ADGRL2: variants seen among roughly 807,000 people sequenced by gnomAD.
The protein encoded by ADGRL2 is calcium-independent alpha-latrotoxin receptor 2.
In ADGRL2, 44 loss-of-function variants were observed where a neutral mutation model predicts 157.4. The ratio of observed to expected loss-of-function variants is 0.28; its 90% CI spans 0.22 to 0.36. The LOEUF (loss-of-function observed/expected upper bound fraction) is 0.36, where lower values mean the gene tolerates loss of function less well. Ranked by LOEUF, ADGRL2 falls within the 10% of genes least tolerant of loss-of-function variation. The pLI, the probability that ADGRL2 is intolerant of heterozygous loss-of-function variation, is 1.00. For synonymous variants in ADGRL2, 585 were observed against 624.7 expected (o/e 0.94, Z 0.95); for missense variants, 1,510 against 1,768.9 (o/e 0.85, Z 2.63).
At chr1:81,358,323 C>T (rs2075905532) in intron 1 of ADGRL2, among the ~76,000 whole-genome samples, 1 of 152,090 alleles carries the variant, frequency 6.6e-6, no homozygotes, top group South Asian at 2.1e-4. Context: ...AAGTGGTGAC[C>T]TCGGCTCTCT....
intron 2 of ADGRL2, among the ~76,000 whole-genome samples, chr1:81,449,643 C>T (rs1438902581): frequency 2.0e-5 from 3 of 152,120 alleles, no homozygotes; most frequent in Non-Finnish European, 2.9e-5. Context: ...ACTCTGTCAC[C>T]CAGGCTGGAG....
At chr1:81,987,087 T>G in intron 22 of ADGRL2, 58 bp downstream of exon 22, 1 of 1,550,032 alleles carries the variant, frequency 6.5e-7, no homozygotes, top group African/African-American at 1.4e-5. Context: ...AGCTATGATC[T>G]TTGCCCTGTT....
intron 2 of ADGRL2, among the ~76,000 whole-genome samples, chr1:81,567,417 TTG>T (rs2148480362): frequency 6.6e-6 from 1 of 152,200 alleles, no homozygotes; most frequent in East Asian, 1.9e-4. Flanking sequence ...TCCCTCCCAT[TTG>T]TGTGTCCCTA....
intron 2 of ADGRL2, among the ~76,000 whole-genome samples, chr1:81,550,746 T>A (rs2080126073): frequency 6.6e-6 from 1 of 151,288 alleles, no homozygotes; most frequent in African/African-American, 2.4e-5. Flanking sequence ...AGTATCCCTA[T>A]CAGAAAGTAA....
chr1:81,934,657 G>A (rs1198216847), intron 3 of ADGRL2, among the ~76,000 whole-genome samples: 10 of 152,024 alleles, frequency 6.6e-5, no homozygotes, highest in Non-Finnish European at 2.9e-5. Context: ...AGAAGGGAAG[G>A]TTGATAAACT....
chr1:81,747,303 A>AT (rs1311575089), intron 1 of ADGRL2, among the ~76,000 whole-genome samples: 2 of 143,900 alleles, frequency 1.4e-5, no homozygotes, highest in African/African-American at 5.1e-5. Context: ...GTATATATAT[A>AT]TATATTTTTT....
chr1:81,833,729 C>G (rs1334277307), intron 1 of ADGRL2, among the ~76,000 whole-genome samples: 1 of 152,108 alleles, frequency 6.6e-6, no homozygotes, highest in Non-Finnish European at 1.5e-5. Flanking sequence ...TAAATGGAAG[C>G]AGGTTACTGT....
At chr1:81,844,640 A>G (rs1204931353) in intron 2 of ADGRL2, among the ~76,000 whole-genome samples, 1 of 152,192 alleles carries the variant, frequency 6.6e-6, no homozygotes, top group Non-Finnish European at 1.5e-5. Context: ...TTAGACATCA[A>G]TTTGGATTAG....
chr1:81,604,228 G>A (rs2081388604), intron 3 of ADGRL2, among the ~76,000 whole-genome samples: 1 of 152,158 alleles, frequency 6.6e-6, no homozygotes, highest in Admixed American at 6.5e-5. Flanking sequence ...GCCTCCCAAA[G>A]TGCTGGGATT....
chr1:81,754,191 G>T (rs1391364573), intron 1 of ADGRL2, among the ~76,000 whole-genome samples: 1 of 147,182 alleles, frequency 6.8e-6, no homozygotes, highest in Non-Finnish European at 1.5e-5. Context: ...GGATTTCATA[G>T]ATTCCCTCCC....
At chr1:81,446,826 A>T (rs1369291538) in intron 2 of ADGRL2, among the ~76,000 whole-genome samples, 1 of 152,172 alleles carries the variant, frequency 6.6e-6, no homozygotes, top group East Asian at 1.9e-4. Flanking sequence ...TGAAATTGAT[A>T]TTTTGACATA....
At chr1:81,868,061 GT>G (rs2093595182) in intron 2 of ADGRL2, among the ~76,000 whole-genome samples, 2 of 6,118 alleles carry the variant, frequency 3.3e-4, no homozygotes, top group African/African-American at 1.2e-3. Flanking sequence ...TGTGTGTGTG[GT>G]GTGTGTGTGT....
chr1:81,850,141 A>G (rs1000509066), intron 2 of ADGRL2, among the ~76,000 whole-genome samples: 1 of 151,968 alleles, frequency 6.6e-6, no homozygotes, highest in African/African-American at 2.4e-5. Flanking sequence ...GCTGGAGCAC[A>G]ATATTAAAAA....
intron 2 of ADGRL2, among the ~76,000 whole-genome samples, chr1:81,558,553 T>A (rs1333581508): frequency 6.6e-6 from 1 of 152,162 alleles, no homozygotes; most frequent in African/African-American, 2.4e-5. Context: ...GTGCAGACAT[T>A]CCTTCATATT....
At chr1:81,341,663 T>C (rs550769329) in intron 1 of ADGRL2, among the ~76,000 whole-genome samples, 1 of 152,190 alleles carries the variant, frequency 6.6e-6, no homozygotes, top group South Asian at 2.1e-4. Context: ...AAGTGATACT[T>C]AACGTTACTC....
At chr1:81,561,272 G>A (rs1315221278) in intron 2 of ADGRL2, among the ~76,000 whole-genome samples, 1 of 152,110 alleles carries the variant, frequency 6.6e-6, no homozygotes, top group Non-Finnish European at 1.5e-5. Flanking sequence ...GCTCAAGATA[G>A]TGGGATTTTA....
At chr1:81,906,940 T>A (rs1053212348) in intron 2 of ADGRL2, 77 bp from the exon 3 acceptor site, 14 of 1,141,590 alleles carry the variant, frequency 1.2e-5, no homozygotes, top group Non-Finnish European at 1.8e-5. Context: ...TGAATCATAT[T>A]ACTTGAAAAT....
At chr1:81,723,071 G>A (rs72715733) in intron 1 of ADGRL2, 82,972 of 730,196 alleles carry the variant, frequency 0.11, 5,173 homozygotes, top group South Asian at 0.14. Context: ...GTCAAGCACA[G>A]TGCCCTTCTG....
chr1:81,548,928 T>G (rs1204497187), intron 2 of ADGRL2, among the ~76,000 whole-genome samples: 1 of 152,162 alleles, frequency 6.6e-6, no homozygotes, highest in Non-Finnish European at 1.5e-5. Flanking sequence ...GTTCAAGAAT[T>G]TCCAGGTCTT....
Sources: allele counts gnomAD v4.1 joint callset (sites outside exome capture counted in the v4.1 genomes callset), GRCh38; gene constraint gnomAD v4.1.1; transcripts MANE v1.5; gene names NCBI Gene and HGNC (gene_info 2026-07-23, HGNC 2026-07-21).